HNRNPM: variants seen among roughly 807,000 people sequenced by gnomAD.
HNRNPM encodes the protein CEA receptor.
In HNRNPM, 11 loss-of-function variants were observed where a neutral mutation model predicts 73.1. The ratio of observed to expected loss-of-function variants is 0.15; its 90% CI spans 0.09 to 0.25. The LOEUF (loss-of-function observed/expected upper bound fraction) is 0.25, where lower values mean the gene tolerates loss of function less well. HNRNPM is among the 10% of genes least tolerant of loss of function. The pLI is 1.00. For missense variants in HNRNPM, 789 were observed against 1,067.9 expected, an observed-to-expected ratio of 0.74 and a Z score of 3.64; for synonymous variants, 407 against 355.2, an observed-to-expected ratio of 1.15 and a Z score of -1.64.
intron 1 of HNRNPM, among the ~76,000 whole-genome samples, chr19:8,453,474 C>T (rs1410547637): frequency 6.6e-6 from 1 of 152,164 alleles, no homozygotes; most frequent in African/African-American, 2.4e-5. Flanking sequence ...AGTAGCTTCT[C>T]CAGCTACTAT....
chr19:8,450,985 C>G (rs1968576201), intron 1 of HNRNPM, among the ~76,000 whole-genome samples: 1 of 152,116 alleles, frequency 6.6e-6, no homozygotes, highest in Non-Finnish European at 1.5e-5. Context: ...CGGCTCACTG[C>G]AACCCCCGCC....
chr19:8,445,410 G>T, intron 1 of HNRNPM: 1 of 287,568 alleles, frequency 3.5e-6, no homozygotes, highest in Admixed American at 5.2e-5. Context: ...GATGGCGCGG[G>T]CCCGGACCGG....
Position 8,486,369 on chromosome 19 carries a change from G to T in HNRNPM, c.1941G>T (p.Gly647=). Residue 647 remains glycine, a synonymous_variant, in exon 14 of 16, where the codon GGG becomes GGT. Coordinates refer to ENST00000325495, the MANE Select transcript of HNRNPM (RefSeq NM_005968.5). ...GTGGAGCTGGAGGCCATGCTCCTGG[G>T]GTGGCCAGGAAGGCCTGCCAGATAT... ...SFGGAGGHAP[G]VARKACQIFV... The T allele has an allele frequency of 6.3e-7, 1 of 1,584,214 alleles. No individual in the cohort carries two copies. Among genetic ancestry groups the T allele is most frequent in the Non-Finnish European group, 8.5e-7 (1 of 1,171,906 alleles).
intron 1 of HNRNPM, 127 bp from the exon 2 acceptor site, chr19:8,455,278 A>G: frequency 1.3e-6 from 1 of 786,434 alleles, no homozygotes; most frequent in Non-Finnish European, 2.0e-6. Context: ...ACCGCATCTG[A>G]CCAATACTAG....
At chr19:8,471,900 C>G (rs1030332203) in intron 10 of HNRNPM, among the ~76,000 whole-genome samples, 1 of 152,290 alleles carries the variant, frequency 6.6e-6, no homozygotes, top group Non-Finnish European at 1.5e-5. Context: ...AGGCCAGGCA[C>G]GGTGGCTCAC....
chr19:8,479,078 CTTTTTTTTT>C lies in HNRNPM; in HGVS notation c.1121-4064_1121-4056del, dbSNP rs74176651. 3.7e-4 allele frequency among the ~76,000 whole-genome samples: 27 copies of C among 73,838 alleles called. No individual in the cohort carries two copies. In the East Asian group the frequency reaches 4.3e-3, roughly 12 times the overall value. 48.4% of individuals were successfully genotyped at this position (73,838 alleles called of 152,430 possible). A position where few individuals can be genotyped will look rare whatever the true frequency, so the allele number is the denominator to read the frequency against. ...ATTTCCTCCTCTTTTTTCTTTCTTTCTTTTTTTTTTTTTTTTTTTTTTTTCAAGACAGAG... is the reference window on the plus strand; with the variant it reads ...ATTTCCTCCTCTTTTTTCTTTCTTTCTTTTTTTTTTTTTTTCAAGACAGAG... On this transcript the variant is annotated intron_variant, in intron 12 of 15. Transcript: ENST00000325495.
intron 12 of HNRNPM, among the ~76,000 whole-genome samples, chr19:8,475,443 A>G (rs1970432569): frequency 6.6e-6 from 1 of 152,262 alleles, no homozygotes. Context: ...GGATTTAGGT[A>G]TAAACCTTCC....
Position 8,468,820 on chromosome 19 carries a change from CACA to C in HNRNPM, c.887_889del (p.Gln296del), listed in dbSNP as rs1192607743. The C allele has an allele frequency of 1.5e-5, 25 of 1,613,034 alleles. No homozygotes were observed. Among genetic ancestry groups the C allele is most frequent in the Non-Finnish European group, 2.1e-5 (25 of 1,179,196 alleles). On this transcript the variant is annotated inframe_deletion, in exon 9 of 16. Coordinates refer to ENST00000325495, the MANE Select transcript of HNRNPM (RefSeq NM_005968.5). ...GGAGATTTCTTCCCTCCTGAGCGTC[CACA>C]ACAACTTCCCCGTAAGTGTTTCAGT...
chr19:8,487,415 G>A, intron 15 of HNRNPM: 1 of 294,840 alleles, frequency 3.4e-6, no homozygotes, highest in South Asian at 3.1e-5. Flanking sequence ...TCCCAGACGA[G>A]GTCGCTTTCC....
At chr19:8,455,613 T>C in intron 2 of HNRNPM, 39 bp downstream of exon 2, 1 of 1,547,624 alleles carries the variant, frequency 6.5e-7, no homozygotes, top group South Asian at 1.1e-5. Context: ...AGAAGGTTGG[T>C]GTGTCATCTT....
Position 8,462,410 on chromosome 19 carries a change from T to A in HNRNPM, c.284-119T>A, listed in dbSNP as rs546156143. 19 of 848,760 alleles carry A rather than the reference T, an allele frequency of 2.2e-5. No homozygotes were observed. The highest frequency in any genetic ancestry group is 3.6e-5 in the Non-Finnish European group (18 of 493,180). 52.6% of individuals were successfully genotyped at this position (848,760 alleles called of 1,614,324 possible). On this transcript the variant is annotated intron_variant, in intron 2 of 15. Coordinates refer to ENST00000325495, the MANE Select transcript of HNRNPM (RefSeq NM_005968.5). The surrounding 1 kb of genome is among the most constrained non-coding windows in gnomAD (Gnocchi z 4.5). ...GGTGGTTTAGAGAATATGGAGTGTT[T>A]CTGGGCTTTCTTATAAGGCAGAGGC...
At chr19:8,445,430 G>T in intron 1 of HNRNPM, 1 of 253,332 alleles carries the variant, frequency 3.9e-6, no homozygotes, top group East Asian at 7.0e-5. Context: ...GAGAGCCTCC[G>T]AGGCCTACCC....
intron 1 of HNRNPM, among the ~76,000 whole-genome samples, chr19:8,447,275 T>TTTC (rs1337368207): frequency 4.6e-5 from 7 of 151,916 alleles, no homozygotes; most frequent in Non-Finnish European, 1.5e-5. Flanking sequence ...TTTTTTTTTT[T>TTTC]TCATTACAAG....
chr19:8,475,156 G>C (rs1378736072), intron 12 of HNRNPM, among the ~76,000 whole-genome samples: 1 of 152,232 alleles, frequency 6.6e-6, no homozygotes, highest in African/African-American at 2.4e-5. Context: ...GACATGCCTA[G>C]GTCAAGTGAC....
intron 2 of HNRNPM, among the ~76,000 whole-genome samples, chr19:8,459,492 C>G (rs1436254540): frequency 6.6e-6 from 1 of 152,178 alleles, no homozygotes; most frequent in South Asian, 2.1e-4. Context: ...TCCCCTCGCC[C>G]AATAGAGTGG....
chr19:8,451,642 G>T (rs922037998), intron 1 of HNRNPM, among the ~76,000 whole-genome samples: 4 of 152,020 alleles, frequency 2.6e-5, no homozygotes, highest in Non-Finnish European at 5.9e-5. Flanking sequence ...GAGCCAGACT[G>T]TCTTCTTTCT....
intron 5 of HNRNPM, among the ~76,000 whole-genome samples, chr19:8,464,922 C>A (rs181803594): frequency 6.6e-6 from 1 of 152,230 alleles, no homozygotes; most frequent in East Asian, 1.9e-4. Flanking sequence ...TCTCAAACTT[C>A]TGGAAGCCAT....
Position 8,485,715 on chromosome 19 carries a change from C to T in HNRNPM, c.1287C>T (p.Arg429=), listed in dbSNP as rs148792144. The change falls in exon 14 of 16, where the codon CGC becomes CGT. Residue 429 remains arginine, a synonymous_variant. Transcript: ENST00000325495. ...MGAGLGHGMD[R]VGSEIERMGL... ...CGGGCCTGGGCCACGGCATGGATCG[C>T]GTGGGCTCCGAGATCGAGCGCATGG... The T allele has an allele frequency of 1.0e-5, 16 of 1,606,966 alleles. No individual in the cohort carries two copies. The highest frequency in any genetic ancestry group is 4.4e-5 in the South Asian group (4 of 91,028).
At position 8,462,733 on chromosome 19, in the gene HNRNPM, G is replaced by T; in HGVS notation, c.336+152G>T. On this transcript the variant is annotated intron_variant, in intron 3 of 15. Transcript: ENST00000325495. The surrounding 1 kb of genome is among the most constrained non-coding windows in gnomAD (Gnocchi z 4.5). ...GCCAAACATTTGAGTGGGGTGGGAG[G>T]GGATTTGCAAATGGGAGTCCCGCTT... The T allele has an allele frequency of 1.4e-6, 1 of 706,750 alleles. No individual in the cohort carries two copies. 43.8% of individuals were successfully genotyped at this position (706,750 alleles called of 1,614,324 possible).
Sources: allele counts gnomAD v4.1 joint callset (sites outside exome capture counted in the v4.1 genomes callset), GRCh38; gene constraint gnomAD v4.1.1; non-coding constraint Gnocchi (gnomAD v3.1); transcripts MANE v1.5; gene names NCBI Gene and HGNC (gene_info 2026-07-23, HGNC 2026-07-21).